THADA: variants seen among roughly 807,000 people sequenced by gnomAD.
THADA encodes tRNA (32-2'-O)-methyltransferase regulator THADA.
Under a neutral mutation model 219.8 loss-of-function variants are expected in THADA, and 213 were observed. The observed-to-expected ratio is 0.97, with a 90% CI of 0.87 to 1.09. The LOEUF (loss-of-function observed/expected upper bound fraction) is 1.09. Among genes scored for constraint, THADA ranks in the 50% least tolerant of loss-of-function variants. The pLI is 0.00. For missense variants in THADA, 2,956 were observed against 2,311.3 expected (o/e 1.28, Z -5.72); for synonymous variants, 1,018 against 828.9 (o/e 1.23, Z -3.92).
Position 43,586,701 on chromosome 2 carries a change from C to G in THADA, c.484+1G>C, listed in dbSNP as rs547907426. On this transcript the variant is annotated splice_donor_variant, in intron 6 of 37. Coordinates refer to ENST00000405975, the MANE Select transcript of THADA (RefSeq NM_022065.5). LOFTEE classifies it high-confidence loss of function. ...GAACAAAATAAAATAATAGGACTTA[C>G]CATTTTTAAGCAGATTATTAACACT... The G allele has an allele frequency of 6.2e-7, 1 of 1,611,072 alleles. No homozygotes were observed. Among genetic ancestry groups the G allele is most frequent in the Admixed American group, 1.7e-5 (1 of 59,486 alleles).
intron 28 of THADA, among the ~76,000 whole-genome samples, chr2:43,411,205 G>T (rs985640405): frequency 6.6e-6 from 1 of 152,134 alleles, no homozygotes; most frequent in Non-Finnish European, 1.5e-5. Flanking sequence ...GCTCACAAAG[G>T]GAATGAATGT....
intron 17 of THADA, among the ~76,000 whole-genome samples, chr2:43,555,469 T>C (rs1342950047): frequency 1.3e-5 from 2 of 152,114 alleles, no homozygotes; most frequent in African/African-American, 4.8e-5. Flanking sequence ...TCTCATAAAG[T>C]CCTAAAATGT....
chr2:43,320,824 A>G (rs1678620233), intron 30 of THADA, among the ~76,000 whole-genome samples: 1 of 152,156 alleles, frequency 6.6e-6, no homozygotes, highest in African/African-American at 2.4e-5. Context: ...AAACACCAAG[A>G]TCCTATCTTA....
intron 26 of THADA, among the ~76,000 whole-genome samples, chr2:43,467,400 G>A (rs1369959323): frequency 6.6e-6 from 1 of 152,054 alleles, no homozygotes; most frequent in Admixed American, 6.6e-5. Flanking sequence ...AATACTTACT[G>A]AGTATCACTA....
At chr2:43,275,945 T>G (rs1350459924) in intron 36 of THADA, among the ~76,000 whole-genome samples, 1 of 152,174 alleles carries the variant, frequency 6.6e-6, no homozygotes. Context: ...ATGCCCGATG[T>G]GGTATATAAA....
chr2:43,333,285 G>A (rs942027883), intron 30 of THADA: 15 of 152,126 alleles, frequency 9.9e-5, no homozygotes, highest in African/African-American at 3.1e-4. Context: ...GTGAACATAT[G>A]TCAGCATGCT....
chr2:43,292,669 C>T (rs959892472), intron 32 of THADA, among the ~76,000 whole-genome samples, 165 bp downstream of exon 32: 1 of 152,160 alleles, frequency 6.6e-6, no homozygotes, highest in South Asian at 2.1e-4. Context: ...TGACGCCATG[C>T]CAACCACCAT....
chr2:43,558,059 A>G (rs568992120), intron 16 of THADA, among the ~76,000 whole-genome samples: 1 of 152,354 alleles, frequency 6.6e-6, no homozygotes, highest in Admixed American at 6.5e-5. Context: ...GAACTGTTTT[A>G]TTAATCATTA....
Position 43,322,674 on chromosome 2 carries a change from C to CTTTTTTTTT in THADA, c.4344-2143_4344-2135dup, listed in dbSNP as rs34557514. On this transcript the variant is annotated intron_variant, in intron 30 of 37. Transcript: ENST00000405975. Reference sequence around the variant, plus strand: ...CATATCCTTCCAAGCACATTCTATTCTTTTTTTTTTTTTTTTTTTTTTTTT... The same window carrying CTTTTTTTTT: ...CATATCCTTCCAAGCACATTCTATTCTTTTTTTTTTTTTTTTTTTTTTTTTTTTTTTTTT... 7.7e-4 allele frequency among the ~76,000 whole-genome samples: 42 copies of CTTTTTTTTT among 54,826 alleles called. 11 individuals carry two copies. Among genetic ancestry groups the CTTTTTTTTT allele is most frequent in the African/African-American group, 1.0e-3 (12 of 11,742 alleles). 36.0% of individuals were successfully genotyped at this position (54,826 alleles called of 152,430 possible). A position where few individuals can be genotyped will look rare whatever the true frequency, so the allele number is the denominator to read the frequency against.
At position 43,344,178 on chromosome 2, in the gene THADA, C is replaced by G; in HGVS notation, c.4287G>C (p.Gln1429His). 1 of 1,612,782 alleles carries G rather than the reference C, an allele frequency of 6.2e-7. No homozygotes were observed. Among genetic ancestry groups the G allele is most frequent in the Non-Finnish European group, 8.5e-7 (1 of 1,179,488 alleles). ...AAACAGTGATGTCAGTCAGCTCGTG[C>G]TGGAAGTCTGAATTCGTTCCGTGTT... ...DSKHGTNSDF[Q>H]HELTDITVCT... The change falls in exon 30 of 38, where the codon CAG (glutamine) becomes CAC (histidine). Residue 1429 changes from glutamine (Q) to histidine (H), a missense_variant. Transcript: ENST00000405975.
Position 43,574,588 on chromosome 2 carries a change from A to G in THADA, c.1477T>C (p.Tyr493His). 6.2e-7 allele frequency: 1 copy of G among 1,613,988 alleles called. No individual in the cohort carries two copies. The highest frequency in any genetic ancestry group is 8.5e-7 in the Non-Finnish European group (1 of 1,179,882). ...ATGGTTTCCAAGAGGTCACTTGCATAAGGTACCAATGACTGGTCTCCCATC... is the reference window on the plus strand; with the variant it reads ...ATGGTTTCCAAGAGGTCACTTGCATGAGGTACCAATGACTGGTCTCCCATC... ...EVMGDQSLVP[Y>H]ASDLLETMFR... The change falls in exon 11 of 38, where the codon TAT becomes CAT. Residue 493 changes from tyrosine to histidine, a missense_variant. By Grantham distance (83) the Tyr-to-His change is moderately conservative. Coordinates refer to ENST00000405975, the MANE Select transcript of THADA (RefSeq NM_022065.5).
chr2:43,584,123 C>G (rs1700758671), intron 7 of THADA, among the ~76,000 whole-genome samples: 1 of 151,108 alleles, frequency 6.6e-6, no homozygotes, highest in African/African-American at 2.4e-5. Context: ...TAAGAATCAC[C>G]TAGAATAGGC....
At chr2:43,543,915 C>T (rs1379599000) in intron 20 of THADA, among the ~76,000 whole-genome samples, 13 of 151,956 alleles carry the variant, frequency 8.6e-5, no homozygotes, top group South Asian at 6.2e-4. Context: ...GTTGCCATTG[C>T]TTTTGGTGTT....
chr2:43,439,401 G>T (rs1008756320), intron 26 of THADA, among the ~76,000 whole-genome samples: 2 of 152,116 alleles, frequency 1.3e-5, no homozygotes, highest in African/African-American at 2.4e-5. Flanking sequence ...TATGAGTAGG[G>T]TGATGAAATC....
chr2:43,439,281 G>C (rs1216455659), intron 26 of THADA, among the ~76,000 whole-genome samples: 1 of 127,866 alleles, frequency 7.8e-6, no homozygotes, highest in Non-Finnish European at 1.8e-5. Context: ...GACGGAGAGA[G>C]AGAGAGAAAG....
chr2:43,391,207 A>ATG (rs1673344099), intron 29 of THADA, among the ~76,000 whole-genome samples: 1 of 151,904 alleles, frequency 6.6e-6, no homozygotes, highest in African/African-American at 2.4e-5. Flanking sequence ...AAAAATATAT[A>ATG]TTTTTCCTCT....
intron 26 of THADA, among the ~76,000 whole-genome samples, chr2:43,470,881 G>A (rs1684829311): frequency 6.6e-6 from 1 of 152,168 alleles, no homozygotes; most frequent in Non-Finnish European, 1.5e-5. Flanking sequence ...TGGTAGCAAG[G>A]AAGAGATAAT....
chr2:43,414,216 T>C (rs1676662491), intron 28 of THADA, among the ~76,000 whole-genome samples: 1 of 152,222 alleles, frequency 6.6e-6, no homozygotes, highest in Non-Finnish European at 1.5e-5. Context: ...GGAAGTAATA[T>C]TTACTTTTGT....
At chr2:43,282,810 T>C (rs1189222236) in intron 35 of THADA, among the ~76,000 whole-genome samples, 1 of 152,214 alleles carries the variant, frequency 6.6e-6, no homozygotes, top group Non-Finnish European at 1.5e-5. Flanking sequence ...TTATACATCA[T>C]TGACATGCTG....
Sources: allele counts gnomAD v4.1 joint callset (sites outside exome capture counted in the v4.1 genomes callset), GRCh38; gene constraint gnomAD v4.1.1; transcripts MANE v1.5; gene names NCBI Gene and HGNC (gene_info 2026-07-23, HGNC 2026-07-21).